The following SPPL2A variants were observed in gnomAD, a reference collection of about 807,000 sequenced individuals.
The protein encoded by SPPL2A is signal peptide peptidase like 2A.
In SPPL2A, 51 loss-of-function variants were observed where a neutral mutation model predicts 63.8. The observed-to-expected ratio is 0.80, with a 90% CI of 0.64 to 1.01. SPPL2A has a LOEUF of 1.01. Ranked by LOEUF, SPPL2A falls within the 50% of genes least tolerant of loss-of-function variation. The pLI is 0.00. For missense variants in SPPL2A, 553 were observed against 622.7 expected, an observed-to-expected ratio of 0.89 and a Z score of 1.19; for synonymous variants, 188 against 205.8, an observed-to-expected ratio of 0.91 and a Z score of 0.74.
Position 50,707,759 on chromosome 15 carries a change from T to C in SPPL2A, c.*41A>G, listed in dbSNP as rs2062522029. On this transcript the variant is annotated 3_prime_UTR_variant, in exon 15 of 15. Coordinates refer to ENST00000261854, the MANE Select transcript of SPPL2A (RefSeq NM_032802.4). ...TCAATTTAAAAAGTCGAAGTCTATT[T>C]GTAGAAAATCAATGACACATTATAG... The C allele has an allele frequency of 1.5e-5, 15 of 1,025,280 alleles. No homozygotes were observed. Among genetic ancestry groups the C allele is most frequent in the Non-Finnish European group, 2.1e-5 (14 of 655,708 alleles). 63.5% of individuals were successfully genotyped at this position (1,025,280 alleles called of 1,614,324 possible). A position where few individuals can be genotyped will look rare whatever the true frequency, so the allele number is the denominator to read the frequency against.
chr15:50,740,169 C>T (rs1455159619), intron 5 of SPPL2A, among the ~76,000 whole-genome samples: 1 of 151,968 alleles, frequency 6.6e-6, no homozygotes, highest in African/African-American at 2.4e-5. Flanking sequence ...TGGCTCATGC[C>T]TGTAATCCCA....
intron 14 of SPPL2A, 24 bp downstream of exon 14, chr15:50,719,916 G>A: frequency 6.4e-7 from 1 of 1,571,218 alleles, no homozygotes; most frequent in Non-Finnish European, 8.7e-7. Context: ...AAGATAACTT[G>A]GTAACCAAAG....
In SPPL2A at chr15:50,748,180, G is replaced by A; in HGVS notation, c.383C>T (p.Ser128Phe). The change falls in exon 4 of 15, where the codon TCT (serine) becomes TTT (phenylalanine). Residue 128 changes from serine (S) to phenylalanine (F), a missense_variant. Physicochemically the swap from Ser to Phe is radical, Grantham distance 155 (BLOSUM62 -2). Transcript: ENST00000261854. ...SVLFPPSGNR[S>F]EFPDVKILIA... is the part of the protein sequence containing the mutation. ...CAGTATTTTCACATCAGGAAATTCA[G>A]ATCTGTTACCTGAGGGAGGAAACTA... The A allele has an allele frequency of 6.7e-7, 1 of 1,497,802 alleles. No homozygotes were observed. The highest frequency in any genetic ancestry group is 8.9e-7 in the Non-Finnish European group (1 of 1,118,306). 92.8% of individuals were successfully genotyped at this position (1,497,802 alleles called of 1,614,324 possible). A position where few individuals can be genotyped will look rare whatever the true frequency, so the allele number is the denominator to read the frequency against.
intron 14 of SPPL2A, among the ~76,000 whole-genome samples, chr15:50,712,678 C>CG (rs1567148202): frequency 7.9e-6 from 1 of 126,356 alleles, no homozygotes; most frequent in Non-Finnish European, 1.7e-5. Context: ...CCTCCCCCCC[C>CG]CTTTTTTTTT....
chr15:50,746,436 C>CA (rs71127139), intron 5 of SPPL2A, among the ~76,000 whole-genome samples: 1,817 of 86,256 alleles, frequency 0.021, 24 homozygotes, highest in African/African-American at 0.026. Flanking sequence ...GACTCTGTAT[C>CA]AAAAAAAAAA....
chr15:50,740,427 CAAAAA>C (rs34361362), intron 5 of SPPL2A, among the ~76,000 whole-genome samples: 1 of 60,096 alleles, frequency 1.7e-5, no homozygotes, highest in Non-Finnish European at 3.2e-5. Flanking sequence ...AACTCCGTCT[CAAAAA>C]AAAAAAAAAA....
intron 14 of SPPL2A, among the ~76,000 whole-genome samples, chr15:50,709,444 G>T (rs1291671012): frequency 6.6e-6 from 1 of 152,190 alleles, no homozygotes. Context: ...AGAATACAAC[G>T]TGAGCTAAGG....
intron 14 of SPPL2A, among the ~76,000 whole-genome samples, chr15:50,719,056 A>C (rs1230088944): frequency 6.6e-6 from 1 of 152,192 alleles, no homozygotes; most frequent in Non-Finnish European, 1.5e-5. Flanking sequence ...ACTTTACTGG[A>C]ATACCAAGAA....
At chr15:50,733,845 G>A (rs557145899) in intron 8 of SPPL2A, among the ~76,000 whole-genome samples, 1 of 151,988 alleles carries the variant, frequency 6.6e-6, no homozygotes, top group South Asian at 2.1e-4. Flanking sequence ...ATTAAAAATT[G>A]GGCAAAATAT....
chr15:50,732,001 C>T (rs2062735489), intron 9 of SPPL2A, among the ~76,000 whole-genome samples: 1 of 150,642 alleles, frequency 6.6e-6, no homozygotes, highest in Non-Finnish European at 1.5e-5. Flanking sequence ...TGCCTGTAAT[C>T]CCAGCACTTT....
At position 50,719,942 on chromosome 15, in the gene SPPL2A, G is replaced by T; in HGVS notation, c.1486C>A (p.Gln496Lys). The T allele has an allele frequency of 6.2e-7, 1 of 1,608,888 alleles. No homozygotes were observed. Reference protein sequence around the residue: ...MKKFWKGNSYQMMDHLDCATN... With the variant: ...MKKFWKGNSYKMMDHLDCATN... ...GTAACCAAAGTATAAGCACATACCT[G>T]ATAGCTGTTACCTTTCCAGAACTTT... The change falls in exon 14 of 15, where the codon CAG (glutamine) becomes AAG (lysine). Residue 496 changes from glutamine to lysine, a missense_variant and splice_region_variant. By Grantham distance (53) the Gln-to-Lys change is moderately conservative. Coordinates refer to ENST00000261854, the MANE Select transcript of SPPL2A (RefSeq NM_032802.4).
Position 50,748,187 on chromosome 15 carries a change from T to C in SPPL2A, c.376A>G (p.Asn126Asp), listed in dbSNP as rs61751063. ...NNSVLFPPSG[N>D]RSEFPDVKIL... ...TTCACATCAGGAAATTCAGATCTGT[T>C]ACCTGAGGGAGGAAACTAAAAAAGA... Residue 126 changes from asparagine to aspartate, a missense_variant, in exon 4 of 15, where the codon AAC (asparagine) becomes GAC (aspartate). Coordinates refer to ENST00000261854, the MANE Select transcript of SPPL2A (RefSeq NM_032802.4). The C allele has an allele frequency of 0.026, 38,233 of 1,481,590 alleles. 629 individuals carry two copies. The highest frequency in any genetic ancestry group is 0.076 in the Middle Eastern group (337 of 4,422). The allele number at this position is 1,481,590 out of a possible 1,614,324, so 91.8% of individuals were successfully genotyped here. A position where few individuals can be genotyped will look rare whatever the true frequency, so the allele number is the denominator to read the frequency against.
intron 10 of SPPL2A, among the ~76,000 whole-genome samples, chr15:50,729,545 C>A (rs1596383829): frequency 6.6e-6 from 1 of 151,940 alleles, no homozygotes; most frequent in African/African-American, 2.4e-5. Context: ...ACCTGGGCCT[C>A]AGGAGGTTAA....
chr15:50,711,136 T>TA (rs1182769319), intron 14 of SPPL2A, among the ~76,000 whole-genome samples: 6 of 151,888 alleles, frequency 4.0e-5, no homozygotes, highest in African/African-American at 1.5e-4. Context: ...AAAATGTTCA[T>TA]AGGAAATACA....
At position 50,749,697 on chromosome 15, in the gene SPPL2A, T is replaced by C. The variant is rs2062891386; in HGVS notation, c.116A>G (p.Lys39Arg). The change falls in exon 2 of 15, where the codon AAG (lysine) becomes AGG (arginine). Residue 39 changes from lysine (K) to arginine (R), a missense_variant. Lys to Arg is a conservative substitution (Grantham distance 26). Transcript: ENST00000261854. Reference sequence around the variant, plus strand: ...AGGGTTATAAAGCATGCAGTAGTCCTTGGTTGTGCCATTTCCAGACGCATG... The same window carrying C: ...AGGGTTATAAAGCATGCAGTAGTCCCTGGTTGTGCCATTTCCAGACGCATG... Reference protein sequence around the residue: ...ILHASGNGTTKDYCMLYNPYW... With the variant: ...ILHASGNGTTRDYCMLYNPYW... The C allele has an allele frequency of 3.1e-6, 5 of 1,613,906 alleles. No individual in the cohort carries two copies. Among genetic ancestry groups the C allele is most frequent in the Non-Finnish European group, 4.2e-6 (5 of 1,179,764 alleles).
At chr15:50,742,936 G>A (rs1023072577) in intron 5 of SPPL2A, 3 of 152,188 alleles carry the variant, frequency 2.0e-5, no homozygotes, top group African/African-American at 7.2e-5. Flanking sequence ...TAAACTCAAA[G>A]TGTGGTCCAT....
intron 1 of SPPL2A, among the ~76,000 whole-genome samples, chr15:50,762,374 A>G (rs2063019893): frequency 1.3e-5 from 2 of 152,040 alleles, no homozygotes; most frequent in Admixed American, 6.6e-5. Context: ...TCTCAAAAAA[A>G]AAAAAAAACA....
At chr15:50,725,458 C>T (rs180981177) in intron 11 of SPPL2A, 135 bp from the exon 12 acceptor site, 28 of 585,686 alleles carry the variant, frequency 4.8e-5, no homozygotes, top group Middle Eastern at 9.7e-4. Flanking sequence ...CTCGCTCTGT[C>T]GCCCAAGTGG....
chr15:50,723,598 C>T (rs184544713), intron 12 of SPPL2A, among the ~76,000 whole-genome samples: 1 of 152,252 alleles, frequency 6.6e-6, no homozygotes, highest in East Asian at 1.9e-4. Flanking sequence ...GTCTCAGCCT[C>T]CCAAGTAGCT....
Sources: gnomAD v4.1 joint callset for allele counts (sites outside exome capture counted in the v4.1 genomes callset) on GRCh38, gnomAD v4.1.1 for gene constraint, MANE v1.5 for transcripts, NCBI Gene and HGNC (gene_info 2026-07-23, HGNC 2026-07-21) for gene names.